The following TLR7 variants were observed in gnomAD, a reference collection of about 807,000 sequenced individuals.
TLR7 encodes the protein toll-like receptor 7.
TLR7 carries 12 observed loss-of-function variants against 38.3 expected under a neutral mutation model. The ratio of observed to expected loss-of-function variants is 0.31; its 90% CI spans 0.20 to 0.51. The LOEUF (loss-of-function observed/expected upper bound fraction) is 0.51. Among genes scored for constraint, TLR7 ranks in the 20% least tolerant of loss-of-function variants. TLR7 has a pLI of 0.98. For synonymous variants in TLR7, 285 were observed against 293.8 expected, an observed-to-expected ratio of 0.97 and a Z score of 0.31; for missense variants, 504 against 743.4, an observed-to-expected ratio of 0.68 and a Z score of 3.74.
chrX:12,886,119 CA>C lies in TLR7; in HGVS notation c.614del (p.Lys205SerfsTer2). ...SIEKDAFLNLTKLKVLSLKDN... is the reference protein window; with the variant it reads ...SIEKDAFLNLXKLKVLSLKDN... ...GAGAAAGATGCCTTCCTAAACTTGA[CA>C]AAGTTAAAAGTGCTCTCCCTGAAAG... is the stretch of plus-strand genomic sequence containing the variant. On this transcript the variant is annotated frameshift_variant, in exon 3 of 3. Transcript: ENST00000380659. LOFTEE classifies it high-confidence loss of function. The C allele has an allele frequency of 1.7e-6, 2 of 1,211,765 alleles. No homozygotes were observed. Among genetic ancestry groups the C allele is most frequent in the Non-Finnish European group, 1.1e-6 (1 of 895,357 alleles).
intron 2 of TLR7, among the ~76,000 whole-genome samples, chrX:12,869,495 C>A (rs775082803): frequency 8.1e-5 from 9 of 111,031 alleles, no homozygotes; most frequent in African/African-American, 6.6e-5. Flanking sequence ...GAACAAAAAA[C>A]CAAACACCGC....
At chrX:12,868,196 G>A (rs1010546398) in intron 2 of TLR7, among the ~76,000 whole-genome samples, 36 of 112,068 alleles carry the variant, frequency 3.2e-4, no homozygotes, top group Non-Finnish European at 5.3e-4. Context: ...AAATTACTAA[G>A]AGGAAACATC....
At position 12,886,177 on chromosome X, in the gene TLR7, G is replaced by A; in HGVS notation, c.669G>A (p.Leu223=). The change falls in exon 3 of 3, where the codon TTG becomes TTA. Residue 223 remains leucine, a synonymous_variant. Coordinates refer to ENST00000380659, the MANE Select transcript of TLR7 (RefSeq NM_016562.4). The stretch of plus-strand genomic sequence containing the variant: ...ATGTCACAGCCGTCCCTACTGTTTT[G>A]CCATCTACTTTAACAGAACTATATC... ...DNNVTAVPTV[L]PSTLTELYLY... is the part of the protein sequence containing the mutation. 1 of 1,211,191 alleles carries A rather than the reference G, an allele frequency of 8.3e-7. No homozygotes were observed. The highest frequency in any genetic ancestry group is 1.8e-5 in the South Asian group (1 of 57,005).
intron 2 of TLR7, among the ~76,000 whole-genome samples, chrX:12,871,055 T>G (rs5743731): frequency 0.011 from 1,219 of 112,059 alleles, 23 homozygotes; most frequent in African/African-American, 0.038. Context: ...TATCCTTTTA[T>G]TCTTTTAGTT....
intron 2 of TLR7, among the ~76,000 whole-genome samples, chrX:12,872,730 T>C (rs994807371): frequency 1.8e-5 from 2 of 110,213 alleles, no homozygotes; most frequent in Admixed American, 9.7e-5. Flanking sequence ...TCATATTTTA[T>C]GTAGCTACTC....
intron 2 of TLR7, among the ~76,000 whole-genome samples, chrX:12,875,716 G>A (rs5743747): frequency 0.039 from 4,349 of 111,422 alleles, 227 homozygotes; most frequent in African/African-American, 0.14. Context: ...CATGTAAGAC[G>A]TAATTTTGCT....
At position 12,886,236 on chromosome X, in the gene TLR7, A is replaced by G. The variant is rs2042910924; in HGVS notation, c.728A>G (p.Asp243Gly). 1.7e-6 allele frequency: 2 copies of G among 1,210,358 alleles called. No homozygotes were observed. Among genetic ancestry groups the G allele is most frequent in the Admixed American group, 2.2e-5 (1 of 45,770 alleles). Residue 243 changes from aspartate (D) to glycine (G), a missense_variant, in exon 3 of 3, where the codon GAT (aspartate) becomes GGT (glycine). By Grantham distance (94) the Asp-to-Gly change is moderately conservative. Transcript: ENST00000380659. ...AACATGATTGCAAAAATCCAAGAAG[A>G]TGATTTTAATAACCTCAACCAATTA... ...YNNMIAKIQEDDFNNLNQLQI... is the reference protein window; with the variant it reads ...YNNMIAKIQEGDFNNLNQLQI...
chrX:12,884,946 T>C (rs2042904798), intron 2 of TLR7, among the ~76,000 whole-genome samples: 2 of 113,183 alleles, frequency 1.8e-5, no homozygotes, highest in Non-Finnish European at 3.7e-5. Context: ...GGCAGGAATG[T>C]ATGTTTTCTA....
At position 12,886,888 on chromosome X, in the gene TLR7, G is replaced by A; in HGVS notation, c.1380G>A (p.Leu460=). The A allele has an allele frequency of 8.3e-7, 1 of 1,207,729 alleles. No individual in the cohort carries two copies. The highest frequency in any genetic ancestry group is 1.1e-6 in the Non-Finnish European group (1 of 893,465). The part of the protein sequence containing the change: ...TSVESYEPQV[L]EQLHYFRYDK... ...TAGAAAGTTATGAACCCCAGGTCCT[G>A]GAACAATTACATTATTTCAGATATG... is the stretch of plus-strand genomic sequence containing the variant. The change falls in exon 3 of 3, where the codon CTG becomes CTA. Residue 460 remains leucine (L), a synonymous_variant. Transcript: ENST00000380659.
At chrX:12,873,442 C>T (rs1443697136) in intron 2 of TLR7, among the ~76,000 whole-genome samples, 1 of 112,494 alleles carries the variant, frequency 8.9e-6, no homozygotes, top group African/African-American at 3.2e-5. Flanking sequence ...ATGTCCCAAA[C>T]ACCTAGAGAA....
rs1387371208 is a variant in TLR7, at chrX:12,890,288, T to A, written c.*1630T>A. The A allele has an allele frequency of 3.5e-5, 4 of 112,683 alleles. No homozygotes were observed. The highest frequency in any genetic ancestry group is 1.3e-4 in the African/African-American group (4 of 30,989). 9.3% of individuals were successfully genotyped at this position (112,683 alleles called of 1,213,427 possible). On this transcript the variant is annotated 3_prime_UTR_variant, in exon 3 of 3. Transcript: ENST00000380659. The stretch of plus-strand genomic sequence containing the variant: ...TGAATTATTTCCAACGTACATTTAA[T>A]CAATAAGGGTCACAAATTCCCAAAT...
At chrX:12,877,774 C>A (rs1159948258) in intron 2 of TLR7, 2 of 111,250 alleles carry the variant, frequency 1.8e-5, no homozygotes, top group Admixed American at 1.9e-4. Flanking sequence ...CTCGTTTCTT[C>A]TGTGGCATGC....
intron 2 of TLR7, among the ~76,000 whole-genome samples, chrX:12,873,695 T>A (rs1290913077): frequency 2.7e-5 from 3 of 112,388 alleles, no homozygotes; most frequent in Non-Finnish European, 5.6e-5. Flanking sequence ...AAGAAATTGC[T>A]ATTAAAGGTT....
chrX:12,868,597 G>A (rs2042841606), intron 2 of TLR7, among the ~76,000 whole-genome samples: 3 of 111,573 alleles, frequency 2.7e-5, no homozygotes, highest in African/African-American at 3.3e-5. Flanking sequence ...GCCTTCCAGG[G>A]CCACTGTGAG....
At position 12,888,263 on chromosome X, in the gene TLR7, C is replaced by A. The variant is rs2042918333; in HGVS notation, c.2755C>A (p.Pro919Thr). The A allele has an allele frequency of 8.3e-7, 1 of 1,211,274 alleles. No homozygotes were observed. The highest frequency in any genetic ancestry group is 3.0e-5 in the East Asian group (1 of 33,850). The change falls in exon 3 of 3, where the codon CCA (proline) becomes ACA (threonine). Residue 919 changes from proline (P) to threonine (T), a missense_variant. By Grantham distance (38) the Pro-to-Thr change is conservative. Transcript: ENST00000380659. ...TGAGCTGGTGGCCAAACTGGAAGAC[C>A]CAAGAGAGAAACATTTTAATTTATG... ...LAELVAKLEDPREKHFNLCLE... is the reference protein window; with the variant it reads ...LAELVAKLEDTREKHFNLCLE...
intron 2 of TLR7, among the ~76,000 whole-genome samples, chrX:12,876,774 A>G (rs1698273631): frequency 8.9e-6 from 1 of 112,302 alleles, no homozygotes; most frequent in African/African-American, 3.2e-5. Flanking sequence ...TACAATAATT[A>G]GTTTGCTAAT....
chrX:12,887,378 C>T lies in TLR7; in HGVS notation c.1870C>T (p.Leu624=). ...CATGGAGAGTGAGTCTCTTAGAACTCTGGAATTCAGAGGAAATCACTTAGA... is the reference window on the plus strand; with the variant it reads ...CATGGAGAGTGAGTCTCTTAGAACTTTGGAATTCAGAGGAAATCACTTAGA... The part of the protein sequence containing the change: ...RTMESESLRT[L]EFRGNHLDVL... Residue 624 remains leucine (L), a synonymous_variant, in exon 3 of 3, where the codon CTG becomes TTG. Transcript: ENST00000380659. 1 of 1,210,645 alleles carries T rather than the reference C, an allele frequency of 8.3e-7. No individual in the cohort carries two copies. Among genetic ancestry groups the T allele is most frequent in the Non-Finnish European group, 1.1e-6 (1 of 894,494 alleles).
intron 2 of TLR7, 89 bp from the exon 3 acceptor site, chrX:12,885,423 G>A (rs1167797761): frequency 2.2e-5 from 19 of 847,169 alleles, no homozygotes; most frequent in Non-Finnish European, 2.8e-5. Flanking sequence ...TTTTTAAAAT[G>A]TTGCAAAAGA....
intron 2 of TLR7, among the ~76,000 whole-genome samples, chrX:12,881,641 A>G (rs1476142711): frequency 1.9e-5 from 2 of 107,966 alleles, no homozygotes; most frequent in Admixed American, 1.0e-4. Context: ...CCTATATGTC[A>G]CTGCAGAAAT....
Sources: gnomAD v4.1 joint callset for allele counts (sites outside exome capture counted in the v4.1 genomes callset) on GRCh38, gnomAD v4.1.1 for gene constraint, MANE v1.5 for transcripts, NCBI Gene and HGNC (gene_info 2026-07-23, HGNC 2026-07-21) for gene names.